Variants in SPAG11A observed in about 807,000 individuals in gnomAD.
The protein encoded by SPAG11A is sperm-associated antigen 11A.
Under a neutral mutation model 5.5 loss-of-function variants are expected in SPAG11A, and 2 were observed. That is an observed-to-expected ratio of 0.37 (90% CI 0.15 to 1.15). SPAG11A has a LOEUF of 1.15. Ranked by LOEUF, SPAG11A falls within the 50% of genes most tolerant of loss-of-function variation. The pLI is 0.38. For missense variants in SPAG11A, 24 were observed against 122.5 expected, an observed-to-expected ratio of 0.20 and a Z score of 3.80; for synonymous variants, 11 against 42.7, an observed-to-expected ratio of 0.26 and a Z score of 2.90.
intron 2 of SPAG11A, among the ~76,000 whole-genome samples, chr8:7,857,467 A>T: frequency 7.0e-5 from 4 of 56,754 alleles, no homozygotes; most frequent in African/African-American, 1.5e-4. Context: ...TTTTTTTGAG[A>T]GATTTCAGAG....
chr8:7,852,394 A>C (rs1230979004), intron 2 of SPAG11A, among the ~76,000 whole-genome samples: 1 of 151,738 alleles, frequency 6.6e-6, no homozygotes, highest in Non-Finnish European at 1.5e-5. Flanking sequence ...GCTCACCACC[A>C]CCTCCACCTC....
intron 2 of SPAG11A, among the ~76,000 whole-genome samples, chr8:7,852,883 G>T (rs1817992608): frequency 2.9e-5 from 2 of 68,946 alleles, no homozygotes; most frequent in African/African-American, 3.8e-5. Flanking sequence ...ACTATTTTTG[G>T]ATTTTGAAGT....
intron 2 of SPAG11A, chr8:7,860,226 T>G (rs546075761): frequency 1.1e-6 from 1 of 907,746 alleles, no homozygotes; most frequent in Admixed American, 3.1e-5. Flanking sequence ...TTGTAGGACA[T>G]AAAACTAAAA....
intron 2 of SPAG11A, among the ~76,000 whole-genome samples, chr8:7,852,316 T>G (rs1817951206): frequency 6.6e-6 from 1 of 152,232 alleles, no homozygotes; most frequent in Admixed American, 6.5e-5. Context: ...TTATTCTCTT[T>G]TTTCTTTTTT....
In SPAG11A at chr8:7,860,651, G is replaced by T. The variant is rs758590125; in HGVS notation, c.220G>T (p.Val74Phe). 1.1e-5 allele frequency: 16 copies of T among 1,451,458 alleles called. 1 individual carries two copies. The African/African-American group carries it at 1.4e-4, about 13-fold the overall frequency. The allele number at this position is 1,451,458 out of a possible 1,614,324, so 89.9% of individuals were successfully genotyped here. The change falls in exon 3 of 3, where the codon GTT (valine) becomes TTT (phenylalanine). Residue 74 changes from valine to phenylalanine, a missense_variant. This residue lies in a region of SPAG11A where 18 missense variants were observed against 26.3 expected (regional missense o/e 0.68). Transcript: ENST00000642566. The stretch of plus-strand genomic sequence containing the variant: ...CTCTTCTGTTGTATCCATAGGGGAT[G>T]TTCCACTGGGAATTAGAAATACCAT...
At chr8:7,848,240 G>GA (rs1218989513) in intron 1 of SPAG11A, 133 bp downstream of exon 1, 1 of 45,800 alleles carries the variant, frequency 2.2e-5, no homozygotes, top group African/African-American at 7.2e-5. Context: ...CTTTGGGTAC[G>GA]AGTCTCTGAA....
In SPAG11A at chr8:7,857,717, A is replaced by G. The variant is rs2128928189; in HGVS notation, c.215-2929A>G. ...GAAGGTGATTTTGCAAGGTACAGAA[A>G]GGTCTGTGAGTCAGAGAGTCCCTGC... is the stretch of plus-strand genomic sequence containing the variant. On this transcript the variant is annotated intron_variant, in intron 2 of 2. Coordinates refer to ENST00000642566, the Ensembl canonical transcript of SPAG11A. 2.2e-5 allele frequency among the ~76,000 whole-genome samples: 2 copies of G among 89,984 alleles called. 1 individual carries two copies. The highest frequency in any genetic ancestry group is 9.6e-4 in the South Asian group (2 of 2,074). The allele number at this position is 89,984 out of a possible 152,430, so 59.0% of individuals were successfully genotyped here. A position where few individuals can be genotyped will look rare whatever the true frequency, so the allele number is the denominator to read the frequency against.
intron 2 of SPAG11A, among the ~76,000 whole-genome samples, chr8:7,860,083 C>A (rs1168621578): frequency 2.7e-5 from 4 of 150,086 alleles, no homozygotes; most frequent in Admixed American, 6.7e-5. Flanking sequence ...ATTTGCAGAT[C>A]TGACATAAGT....
At chr8:7,858,619 CGTT>C (rs1563459940) in intron 2 of SPAG11A, among the ~76,000 whole-genome samples, 1 of 86,222 alleles carries the variant, frequency 1.2e-5, no homozygotes, top group Non-Finnish European at 2.9e-5. Context: ...GGTTCATCCA[CGTT>C]GTTGTACACA....
intron 2 of SPAG11A, among the ~76,000 whole-genome samples, chr8:7,852,117 C>G (rs1817942169): frequency 6.9e-6 from 1 of 145,428 alleles, no homozygotes; most frequent in Admixed American, 7.0e-5. Flanking sequence ...TCAGAAAGAA[C>G]CGATCTGTGT....
At chr8:7,860,586 C>G in intron 2 of SPAG11A, 60 bp from the exon 3 acceptor site, 2 of 1,388,194 alleles carry the variant, frequency 1.4e-6, no homozygotes, top group Non-Finnish European at 1.9e-6. Context: ...GGGCTGGGTT[C>G]ATCTTCTATT....
Position 7,857,739 on chromosome 8 carries a change from C to T in SPAG11A, c.215-2907C>T, listed in dbSNP as rs1176258252. On this transcript the variant is annotated intron_variant, in intron 2 of 2. Coordinates refer to ENST00000642566, the Ensembl canonical transcript of SPAG11A. The stretch of plus-strand genomic sequence containing the variant: ...GAAAGGTCTGTGAGTCAGAGAGTCC[C>T]TGCCAGGGCACATTGTCCTGCTTAA... Among the ~76,000 whole-genome samples the T allele has an allele frequency of 2.2e-5, 2 of 89,658 alleles. 1 individual carries two copies. Among genetic ancestry groups the T allele is most frequent in the Admixed American group, 2.4e-4 (2 of 8,368 alleles). 58.8% of individuals were successfully genotyped at this position (89,658 alleles called of 152,430 possible). A position where few individuals can be genotyped will look rare whatever the true frequency, so the allele number is the denominator to read the frequency against.
chr8:7,857,595 G>C (rs1818078990), intron 2 of SPAG11A, among the ~76,000 whole-genome samples: 2 of 79,162 alleles, frequency 2.5e-5, no homozygotes, highest in African/African-American at 6.5e-5. Context: ...TTAGTACATA[G>C]CTAACATTTA....
intron 2 of SPAG11A, among the ~76,000 whole-genome samples, chr8:7,858,179 T>A (rs577091150): frequency 0.019 from 1,385 of 73,434 alleles, 9 homozygotes; most frequent in South Asian, 0.029. Flanking sequence ...CATCCTTCTC[T>A]CTTGCCCCTT....
intron 2 of SPAG11A, among the ~76,000 whole-genome samples, chr8:7,859,909 C>A (rs1248134354): frequency 9.2e-5 from 13 of 141,808 alleles, no homozygotes; most frequent in African/African-American, 2.3e-4. Flanking sequence ...TTTGCTGTCT[C>A]CTCCAAGCTG....
downstream of SPAG11A, among the ~76,000 whole-genome samples, chr8:7,861,574 C>CT (rs1818219114): frequency 7.0e-6 from 1 of 143,180 alleles, no homozygotes; most frequent in Non-Finnish European, 1.5e-5. Context: ...GCTTAGCTGC[C>CT]TTTTGCCTTT....
intron 2 of SPAG11A, among the ~76,000 whole-genome samples, chr8:7,854,587 G>A (rs911497284): frequency 1.4e-5 from 2 of 138,216 alleles, no homozygotes; most frequent in Admixed American, 7.4e-5. Flanking sequence ...GTGCTGGGTT[G>A]TGGACAAGGG....
chr8:7,861,239 C>T (rs1818204939), downstream of SPAG11A, among the ~76,000 whole-genome samples: 1 of 73,202 alleles, frequency 1.4e-5, no homozygotes, highest in African/African-American at 3.3e-5. Flanking sequence ...TATCCCTTTT[C>T]CCTTTATGCG....
intron 2 of SPAG11A, among the ~76,000 whole-genome samples, chr8:7,860,054 TA>T (rs1242502941): frequency 6.6e-6 from 1 of 150,680 alleles, no homozygotes; most frequent in Non-Finnish European, 1.5e-5. Context: ...TGCTGCTGTT[TA>T]AAGTCATCGT....
Sources: gnomAD v4.1 joint callset for allele counts (sites outside exome capture counted in the v4.1 genomes callset) on GRCh38, gnomAD v4.1.1 for gene constraint, gnomAD v4.1.1 regional missense constraint, MANE v1.5 for transcripts, NCBI Gene and HGNC (gene_info 2026-07-23, HGNC 2026-07-21) for gene names.